The following SLC1A2 variants were observed in gnomAD, a reference collection of about 807,000 sequenced individuals.
SLC1A2 encodes solute carrier family 1 member 2.
A neutral mutation model predicts 48.8 loss-of-function variants in SLC1A2; 15 were observed. The ratio of observed to expected loss-of-function variants is 0.31; its 90% confidence interval spans 0.21 to 0.47. The LOEUF (loss-of-function observed/expected upper bound fraction) is 0.47. Ranked by LOEUF, SLC1A2 falls within the 20% of genes least tolerant of loss-of-function variation. The pLI, the probability that SLC1A2 is intolerant of heterozygous loss-of-function variation, is 0.99. For missense variants in SLC1A2, 502 were observed against 730.5 expected, an observed-to-expected ratio of 0.69 and a Z score of 3.61; for synonymous variants, 279 against 272.6, an observed-to-expected ratio of 1.02 and a Z score of -0.23.
chr11:35,305,771 G>C (rs1178597289), intron 5 of SLC1A2, among the ~76,000 whole-genome samples: 1 of 152,184 alleles, frequency 6.6e-6, no homozygotes, highest in Non-Finnish European at 1.5e-5. Flanking sequence ...AACACAGAGA[G>C]TCAGAGAAAG....
intron 8 of SLC1A2, 139 bp from the exon 9 acceptor site, chr11:35,281,140 A>T: frequency 8.1e-7 from 1 of 1,229,148 alleles, no homozygotes; most frequent in Non-Finnish European, 1.1e-6. Context: ...ACCAAGGAAT[A>T]GAGAAATCTA....
At chr11:35,289,443 C>CT (rs11343016) in intron 7 of SLC1A2, among the ~76,000 whole-genome samples, 131 of 148,886 alleles carry the variant, frequency 8.8e-4, no homozygotes, top group East Asian at 1.4e-3. Flanking sequence ...ATTAAAACCA[C>CT]TTTTTTTTTT....
At chr11:35,330,506 T>C (rs1276048000) in intron 1 of SLC1A2, among the ~76,000 whole-genome samples, 1 of 152,208 alleles carries the variant, frequency 6.6e-6, no homozygotes. Context: ...CAAATGTCCA[T>C]GTCCTAATCC....
At chr11:35,275,293 A>G (rs951750775) in intron 9 of SLC1A2, among the ~76,000 whole-genome samples, 1 of 152,216 alleles carries the variant, frequency 6.6e-6, no homozygotes, top group Non-Finnish European at 1.5e-5. Context: ...GTCTTATGTG[A>G]GAATTAGGCC....
intron 1 of SLC1A2, among the ~76,000 whole-genome samples, chr11:35,335,855 A>C (rs375993118): frequency 5.9e-5 from 9 of 152,272 alleles, no homozygotes; most frequent in East Asian, 5.8e-4. Flanking sequence ...TAAGTAAATA[A>C]AATTTTTAAA....
At chr11:35,284,423 C>A (rs368863446) in intron 8 of SLC1A2, among the ~76,000 whole-genome samples, 2 of 152,064 alleles carry the variant, frequency 1.3e-5, no homozygotes, top group African/African-American at 2.4e-5. Context: ...ATTCTCTGAG[C>A]CTCTGTTTCC....
At chr11:35,363,969 G>A (rs913966791) in intron 1 of SLC1A2, among the ~76,000 whole-genome samples, 1 of 152,164 alleles carries the variant, frequency 6.6e-6, no homozygotes, top group African/African-American at 2.4e-5. Context: ...CTTAGCAGGT[G>A]GCAGGGGCAC....
chr11:35,306,164 G>A lies in SLC1A2; in HGVS notation c.640C>T (p.Leu214=). Residue 214 remains leucine (L), a synonymous_variant, in exon 5 of 11, where the codon CTG becomes TTG. Transcript: ENST00000278379. ...EANATSAVVS[L]LNETVTEVPE... ...ACCTCAGTCACAGTCTCGTTCAACA[G>A]AGAGACAACAGCGCTGGTTGCGTTG... 1 of 1,613,998 alleles carries A rather than the reference G, an allele frequency of 6.2e-7. No individual in the cohort carries two copies. Among genetic ancestry groups the A allele is most frequent in the African/African-American group, 1.3e-5 (1 of 75,032 alleles).
At chr11:35,375,078 A>G (rs981077862) in intron 1 of SLC1A2, among the ~76,000 whole-genome samples, 1 of 152,246 alleles carries the variant, frequency 6.6e-6, no homozygotes, top group Non-Finnish European at 1.5e-5. Flanking sequence ...TCAAGAACCT[A>G]TTTTACACAT....
intron 1 of SLC1A2, among the ~76,000 whole-genome samples, chr11:35,355,703 G>T (rs559129548): frequency 9.7e-4 from 148 of 152,098 alleles, no homozygotes; most frequent in Non-Finnish European, 1.8e-3. Context: ...TAGTCAACAT[G>T]GTGAAACCCC....
rs3895234 is a variant in SLC1A2, at chr11:35,306,278, A to G, written c.562-36T>C. 375,123 of 1,557,256 alleles carry G rather than the reference A, an allele frequency of 0.24. 47,150 individuals carry two copies. Among genetic ancestry groups the G allele is most frequent in the Admixed American group, 0.29 (16,843 of 57,614 alleles). ...GAGGGAAAAAAGGCATAGAGCTGAG[A>G]TTTGGCCTATAAGGTGAAAAAAAAA... On this transcript the variant is annotated intron_variant, in intron 4 of 10. Coordinates refer to ENST00000278379, the MANE Select transcript of SLC1A2 (RefSeq NM_004171.4).
At chr11:35,387,587 G>A (rs1254420656) in intron 1 of SLC1A2, among the ~76,000 whole-genome samples, 2 of 152,122 alleles carry the variant, frequency 1.3e-5, no homozygotes, top group African/African-American at 4.8e-5. Flanking sequence ...ACAACTGCAA[G>A]GCCTATTTGT....
At chr11:35,352,109 A>G (rs2033101859) in intron 1 of SLC1A2, 1 of 152,192 alleles carries the variant, frequency 6.6e-6, no homozygotes, top group Non-Finnish European at 1.5e-5. Flanking sequence ...ATGATCAGAA[A>G]CAAAGTTGCT....
At chr11:35,321,115 C>A (rs1262403049) in intron 1 of SLC1A2, among the ~76,000 whole-genome samples, 1 of 152,112 alleles carries the variant, frequency 6.6e-6, no homozygotes, top group Non-Finnish European at 1.5e-5. Flanking sequence ...AAGCGCCAAG[C>A]AAAAGGGGGA....
chr11:35,252,018 T>C lies in SLC1A2; in HGVS notation c.*8876A>G, dbSNP rs1262867723. 6.6e-6 allele frequency: 1 copy of C among 152,568 alleles called. No individual in the cohort carries two copies. Among genetic ancestry groups the C allele is most frequent in the Non-Finnish European group, 1.5e-5 (1 of 68,034 alleles). The allele number at this position is 152,568 out of a possible 1,614,324, so 9.5% of individuals were successfully genotyped here. A position where few individuals can be genotyped will look rare whatever the true frequency, so the allele number is the denominator to read the frequency against. On this transcript the variant is annotated 3_prime_UTR_variant, in exon 11 of 11. Transcript: ENST00000278379. ...CACAGAACATATTAGGTAGAGAACG[T>C]CATACTCCCTCATATATGTGGGACC... is the stretch of plus-strand genomic sequence containing the variant.
intron 1 of SLC1A2, among the ~76,000 whole-genome samples, chr11:35,371,843 G>A (rs1406569200): frequency 6.6e-6 from 1 of 152,194 alleles, no homozygotes; most frequent in Admixed American, 6.5e-5. Context: ...TTAAACACAT[G>A]AGAGTTTCAG....
intron 1 of SLC1A2, among the ~76,000 whole-genome samples, chr11:35,379,305 A>G (rs57140319): frequency 0.019 from 2,927 of 152,340 alleles, 84 homozygotes; most frequent in African/African-American, 0.067. Flanking sequence ...AGCCTTTGTT[A>G]TTGCTGCTGC....
intron 1 of SLC1A2, among the ~76,000 whole-genome samples, chr11:35,378,049 TACAG>T (rs1359010548): frequency 6.6e-6 from 1 of 152,204 alleles, no homozygotes; most frequent in Non-Finnish European, 1.5e-5. Context: ...AATAAAGCCA[TACAG>T]AACCACACAA....
intron 6 of SLC1A2, among the ~76,000 whole-genome samples, chr11:35,300,845 C>T (rs1051304508): frequency 7.2e-5 from 11 of 152,118 alleles, no homozygotes; most frequent in African/African-American, 1.2e-4. Context: ...GTGAAATCCT[C>T]GTCTCTATAA....
Sources: allele counts gnomAD v4.1 joint callset (sites outside exome capture counted in the v4.1 genomes callset), GRCh38; gene constraint gnomAD v4.1.1; transcripts MANE v1.5; gene names NCBI Gene and HGNC (gene_info 2026-07-23, HGNC 2026-07-21).